The following SMOC2 variants were observed in gnomAD, a reference collection of about 807,000 sequenced individuals.
SMOC2 encodes the protein SPARC related modular calcium binding 2, also known as SPARC-related modular calcium-binding protein 2.
A neutral mutation model predicts 61.4 loss-of-function variants in SMOC2; 39 were observed. The observed-to-expected ratio is 0.64, with a 90% CI of 0.49 to 0.83. SMOC2 has a LOEUF of 0.83. Among genes scored for constraint, SMOC2 ranks in the 40% least tolerant of loss-of-function variants. The pLI is 0.00. For synonymous variants in SMOC2, 247 were observed against 239.9 expected (o/e 1.03, Z -0.27); for missense variants, 556 against 592.9 (o/e 0.94, Z 0.65).
chr6:168,628,884 A>C (rs2342643), intron 9 of SMOC2, among the ~76,000 whole-genome samples: 1 of 152,176 alleles, frequency 6.6e-6, no homozygotes, highest in South Asian at 2.1e-4. Flanking sequence ...CGGAACACAC[A>C]GTTTCCGACC....
At chr6:168,451,617 CT>C in intron 1 of SMOC2, among the ~76,000 whole-genome samples, 1 of 151,390 alleles carries the variant, frequency 6.6e-6, no homozygotes, top group African/African-American at 2.4e-5. Flanking sequence ...CTCTCTCTCT[CT>C]CTCTCTCTCT....
At chr6:168,507,781 A>T (rs1782909392) in intron 1 of SMOC2, among the ~76,000 whole-genome samples, 1 of 152,268 alleles carries the variant, frequency 6.6e-6, no homozygotes, top group Non-Finnish European at 1.5e-5. Context: ...GTCTTAGCTA[A>T]AACAAACCTG....
intron 7 of SMOC2, among the ~76,000 whole-genome samples, chr6:168,596,037 A>G (rs9364466): frequency 0.14 from 15,138 of 105,090 alleles, 1,932 homozygotes; most frequent in East Asian, 0.26. Flanking sequence ...GGCATGAACA[A>G]GCGCCACGTG....
chr6:168,441,970 G>C lies in SMOC2; in HGVS notation c.84+516G>C, dbSNP rs369491340. ...GACCCGGCCTGGAGCGTGTTCTCCC[G>C]ACCGCTTTGGGCTCGTGCGCCGCGC... On this transcript the variant is annotated intron_variant, in intron 1 of 12. Transcript: ENST00000356284. 1.9e-4 allele frequency among the ~76,000 whole-genome samples: 29 copies of C among 152,346 alleles called. 1 individual carries two copies. The East Asian group carries it at 5.0e-3, about 26-fold the overall frequency.
intron 6 of SMOC2, among the ~76,000 whole-genome samples, chr6:168,547,837 T>C (rs1362923328): frequency 6.6e-6 from 1 of 152,096 alleles, no homozygotes; most frequent in Non-Finnish European, 1.5e-5. Flanking sequence ...GATTTTCAGA[T>C]ATTGCCATGG....
intron 4 of SMOC2, among the ~76,000 whole-genome samples, chr6:168,537,551 G>A (rs1783760974): frequency 6.6e-6 from 1 of 152,256 alleles, no homozygotes; most frequent in African/African-American, 2.4e-5. Flanking sequence ...GGAGAGCAGC[G>A]TCTATCCTAA....
At chr6:168,461,843 AT>A (rs1781725217) in intron 1 of SMOC2, among the ~76,000 whole-genome samples, 1 of 151,466 alleles carries the variant, frequency 6.6e-6, no homozygotes, top group African/African-American at 2.4e-5. Context: ...TGTCCTATGA[AT>A]TTTTTTTTCA....
At chr6:168,447,551 G>A (rs1425881529) in intron 1 of SMOC2, among the ~76,000 whole-genome samples, 1 of 152,120 alleles carries the variant, frequency 6.6e-6, no homozygotes, top group Non-Finnish European at 1.5e-5. Context: ...ATCTCTCACT[G>A]TTCCTATCCC....
At chr6:168,567,616 C>T (rs1208796628) in intron 7 of SMOC2, among the ~76,000 whole-genome samples, 2 of 151,834 alleles carry the variant, frequency 1.3e-5, no homozygotes, top group African/African-American at 2.4e-5. Context: ...CATTTTTAGT[C>T]GTTTTCAGAG....
chr6:168,520,303 G>T (rs1365451817), intron 2 of SMOC2, among the ~76,000 whole-genome samples: 1 of 152,224 alleles, frequency 6.6e-6, no homozygotes, highest in African/African-American at 2.4e-5. Flanking sequence ...AAAACACAGT[G>T]TCTGCCTTCA....
chr6:168,606,158 T>G (rs1785681888), intron 8 of SMOC2, among the ~76,000 whole-genome samples: 1 of 152,082 alleles, frequency 6.6e-6, no homozygotes, highest in Admixed American at 6.5e-5. Context: ...GGGTGAATGT[T>G]TTACTTCTCA....
chr6:168,642,834 T>C (rs1021291860), intron 9 of SMOC2, among the ~76,000 whole-genome samples: 1 of 152,232 alleles, frequency 6.6e-6, no homozygotes, highest in African/African-American at 2.4e-5. Flanking sequence ...AGTTAAAAGT[T>C]GGAAAGCCAA....
rs140535206 is a variant in SMOC2 at position 168,558,852 on chromosome 6, C to T, written c.637+9649C>T. 1.9e-3 allele frequency among the ~76,000 whole-genome samples: 264 copies of T among 137,858 alleles called. 1 individual carries two copies. The highest frequency in any genetic ancestry group is 5.9e-3 in the African/African-American group (192 of 32,672). The allele number at this position is 137,858 out of a possible 152,430, so 90.4% of individuals were successfully genotyped here. A position where few individuals can be genotyped will look rare whatever the true frequency, so the allele number is the denominator to read the frequency against. On this transcript the variant is annotated intron_variant, in intron 7 of 12. Coordinates refer to ENST00000356284, the MANE Select transcript of SMOC2 (RefSeq NM_001166412.2). ...ATGTGTGTGCACGTGTGTATGTGCGCGTGTGCGCATGTGTGTGCATGTGTG... is the reference window on the plus strand; with the variant it reads ...ATGTGTGTGCACGTGTGTATGTGCGTGTGTGCGCATGTGTGTGCATGTGTG...
chr6:168,581,912 G>A (rs1233348448), intron 7 of SMOC2, among the ~76,000 whole-genome samples: 1 of 152,164 alleles, frequency 6.6e-6, no homozygotes, highest in South Asian at 2.1e-4. Context: ...CAGCTCTGAA[G>A]TCTCCTCCGT....
At chr6:168,642,251 G>T (rs1433986739) in intron 9 of SMOC2, among the ~76,000 whole-genome samples, 1 of 152,222 alleles carries the variant, frequency 6.6e-6, no homozygotes, top group Non-Finnish European at 1.5e-5. Flanking sequence ...GTGATGGACA[G>T]AAAACAGAAG....
Position 168,608,244 on chromosome 6 carries a change from G to A in SMOC2, c.907+5G>A, listed in dbSNP as rs1426493948. 2 of 1,610,710 alleles carry A rather than the reference G, an allele frequency of 1.2e-6. No homozygotes were observed. The highest frequency in any genetic ancestry group is 1.7e-4 in the Middle Eastern group (1 of 6,052). On this transcript the variant is annotated splice_donor_5th_base_variant and intron_variant, in intron 9 of 12. Coordinates refer to ENST00000356284, the MANE Select transcript of SMOC2 (RefSeq NM_001166412.2). ...ACAAGGGCCGCCAGCTACAAGGTGA[G>A]CAGCACCCGCGAGTGTGGCCCGAAT... is the stretch of plus-strand genomic sequence containing the variant.
chr6:168,648,481 A>G (rs1399246092), intron 9 of SMOC2, among the ~76,000 whole-genome samples: 2 of 152,156 alleles, frequency 1.3e-5, no homozygotes, highest in Non-Finnish European at 2.9e-5. Flanking sequence ...CCTTCTGTAG[A>G]CCGGGAGGCC....
At chr6:168,640,514 A>G (rs1236680139) in intron 9 of SMOC2, among the ~76,000 whole-genome samples, 3 of 152,210 alleles carry the variant, frequency 2.0e-5, no homozygotes, top group Non-Finnish European at 4.4e-5. Flanking sequence ...ACAATGCAAC[A>G]TCACAGTGTG....
At chr6:168,606,347 G>C (rs1476397544) in intron 8 of SMOC2, among the ~76,000 whole-genome samples, 1 of 152,180 alleles carries the variant, frequency 6.6e-6, no homozygotes, top group Non-Finnish European at 1.5e-5. Context: ...GAGTGTGTCA[G>C]AGACTTTAAT....
Sources: allele counts gnomAD v4.1 joint callset (sites outside exome capture counted in the v4.1 genomes callset), GRCh38; gene constraint gnomAD v4.1.1; transcripts MANE v1.5; gene names NCBI Gene and HGNC (gene_info 2026-07-23, HGNC 2026-07-21).